Variants in ABCC4 observed in about 807,000 individuals in gnomAD.
ABCC4 encodes the protein ATP-binding cassette sub-family C member 4.
In ABCC4, 102 loss-of-function variants were observed where a neutral mutation model predicts 168.5. The ratio of observed to expected loss-of-function variants is 0.61; its 90% CI spans 0.52 to 0.71. The LOEUF (loss-of-function observed/expected upper bound fraction) is 0.71. ABCC4 is among the 30% of genes least tolerant of loss of function. The pLI is 0.00. For missense variants in ABCC4, 1,402 were observed against 1,605.8 expected (o/e 0.87, Z 2.17); for synonymous variants, 617 against 590.7 (o/e 1.04, Z -0.65).
chr13:95,173,211 G>A (rs1444479411), intron 13 of ABCC4, among the ~76,000 whole-genome samples: 1 of 152,246 alleles, frequency 6.6e-6, no homozygotes, highest in Non-Finnish European at 1.5e-5. Flanking sequence ...GCAAGGAGGT[G>A]ATGTATGAGC....
chr13:95,277,020 AAAAT>A (rs769264204), intron 1 of ABCC4, among the ~76,000 whole-genome samples: 13 of 152,238 alleles, frequency 8.5e-5, no homozygotes, highest in Non-Finnish European at 1.6e-4. Context: ...CTCAGTCTCA[AAAAT>A]AAATAAATAC....
intron 27 of ABCC4, among the ~76,000 whole-genome samples, chr13:95,049,263 G>C (rs1028248846): frequency 5.3e-5 from 8 of 152,056 alleles, no homozygotes; most frequent in African/African-American, 1.7e-4. Context: ...GAACCCAGGA[G>C]GTAGAGTTTG....
chr13:95,047,476 CTT>C (rs71111586), intron 27 of ABCC4, among the ~76,000 whole-genome samples: 3 of 83,370 alleles, frequency 3.6e-5, no homozygotes, highest in African/African-American at 1.0e-4. Context: ...ACTGCCTATT[CTT>C]TTTTTTTTTT....
chr13:95,100,935 T>C (rs1280500192), intron 20 of ABCC4, among the ~76,000 whole-genome samples: 1 of 152,138 alleles, frequency 6.6e-6, no homozygotes, highest in African/African-American at 2.4e-5. Context: ...TTCTACACAC[T>C]TTCCCTGACA....
chr13:95,091,769 A>T (rs1263636641), intron 20 of ABCC4, among the ~76,000 whole-genome samples: 1 of 152,122 alleles, frequency 6.6e-6, no homozygotes, highest in African/African-American at 2.4e-5. Context: ...AAAAAAACAC[A>T]AAGTACACAG....
At chr13:95,197,723 G>A (rs2038499344) in intron 8 of ABCC4, among the ~76,000 whole-genome samples, 1 of 152,182 alleles carries the variant, frequency 6.6e-6, no homozygotes, top group African/African-American at 2.4e-5. Context: ...GCAGCTTTGT[G>A]AACAATAAAA....
intron 19 of ABCC4, among the ~76,000 whole-genome samples, chr13:95,153,051 G>A (rs1303621234): frequency 6.6e-6 from 1 of 152,032 alleles, no homozygotes; most frequent in Non-Finnish European, 1.5e-5. Flanking sequence ...TGTTGAAATC[G>A]GCCACTGCAA....
chr13:95,110,076 A>G (rs1386472349), intron 20 of ABCC4, among the ~76,000 whole-genome samples: 1 of 152,212 alleles, frequency 6.6e-6, no homozygotes, highest in East Asian at 1.9e-4. Context: ...TTGGAGGCCG[A>G]GACGGGCAGA....
chr13:95,141,844 T>G (rs1326494547), intron 19 of ABCC4, among the ~76,000 whole-genome samples: 5 of 152,154 alleles, frequency 3.3e-5, no homozygotes, highest in African/African-American at 1.2e-4. Context: ...CAAGGGATCA[T>G]CCTGAACCAG....
At chr13:95,031,170 A>G (rs1269229794) in intron 30 of ABCC4, among the ~76,000 whole-genome samples, 1 of 152,230 alleles carries the variant, frequency 6.6e-6, no homozygotes, top group Non-Finnish European at 1.5e-5. Flanking sequence ...TTGTTCTCCT[A>G]AGAGGACCAA....
chr13:95,095,184 T>C (rs923726621), intron 20 of ABCC4, among the ~76,000 whole-genome samples: 1 of 152,204 alleles, frequency 6.6e-6, no homozygotes, highest in African/African-American at 2.4e-5. Flanking sequence ...TTGGAAAAGA[T>C]ACTTGCACAC....
intron 16 of ABCC4, 108 bp downstream of exon 16, chr13:95,164,270 C>T: frequency 1.4e-6 from 2 of 1,386,304 alleles, no homozygotes; most frequent in Admixed American, 1.9e-5. Flanking sequence ...CCAAAGACAG[C>T]ACATTTCAAT....
In ABCC4 at chr13:95,194,550, G is replaced by A. The variant is rs3818492; in HGVS notation, c.1263+286C>T. ...TCTGTCCAATCCTATAAAATCCAGC[G>A]TTGCCAATGTCCAAACTTAGTGACA... On this transcript the variant is annotated intron_variant, in intron 9 of 30. Transcript: ENST00000645237. Among the ~76,000 whole-genome samples, 261 of 152,268 alleles carry A rather than the reference G, an allele frequency of 1.7e-3. 8 individuals carry two copies. The East Asian group carries it at 0.044, about 26-fold the overall frequency.
chr13:95,170,764 A>G lies in ABCC4; in HGVS notation c.1728-136T>C, dbSNP rs150660298. On this transcript the variant is annotated intron_variant, in intron 13 of 30. Transcript: ENST00000645237. ...GAGGTTAAATACAAACTAAATACAA[A>G]TATAAGCCAATAAAGCCGGCTAGGT... 49 of 525,552 alleles carry G rather than the reference A, an allele frequency of 9.3e-5. No homozygotes were observed. In the East Asian group the frequency reaches 1.5e-3, roughly 16 times the overall value. 32.6% of individuals were successfully genotyped at this position (525,552 alleles called of 1,614,324 possible).
At chr13:95,285,451 G>T (rs542387342) in intron 1 of ABCC4, among the ~76,000 whole-genome samples, 4 of 152,018 alleles carry the variant, frequency 2.6e-5, no homozygotes, top group African/African-American at 9.7e-5. Context: ...TTTGGGGGCT[G>T]AGGCAGGAGA....
chr13:95,044,292 A>G lies in ABCC4; in HGVS notation c.3603T>C (p.Asp1201=). The G allele has an allele frequency of 1.9e-6, 3 of 1,613,212 alleles. No homozygotes were observed. The highest frequency in any genetic ancestry group is 2.5e-6 in the Non-Finnish European group (3 of 1,179,676). The stretch of plus-strand genomic sequence containing the variant: ...TTGGATCCACATTTGCCGTCGCTTC[A>G]TCAATAATCAATATCTGATTTTTCC... ...ILRKNQILII[D]EATANVDPRT... is the part of the protein sequence containing the mutation. The change falls in exon 28 of 31, where the codon GAT becomes GAC. Residue 1201 remains aspartate (D), a synonymous_variant. Coordinates refer to ENST00000645237, the MANE Select transcript of ABCC4 (RefSeq NM_005845.5).
chr13:95,030,415 T>A (rs2031823912), intron 30 of ABCC4, among the ~76,000 whole-genome samples: 1 of 152,156 alleles, frequency 6.6e-6, no homozygotes, highest in Admixed American at 6.5e-5. Context: ...TAGGTCGGCT[T>A]CATCAGGGAA....
At chr13:95,069,381 C>T (rs1229404760) in intron 25 of ABCC4, among the ~76,000 whole-genome samples, 1 of 151,898 alleles carries the variant, frequency 6.6e-6, no homozygotes, top group Admixed American at 6.6e-5. Context: ...ATAAATCATG[C>T]CATCGTGCTA....
chr13:95,201,225 T>A (rs1314058736), intron 8 of ABCC4, among the ~76,000 whole-genome samples: 3 of 152,184 alleles, frequency 2.0e-5, no homozygotes, highest in Admixed American at 6.5e-5. Context: ...CATACATCTA[T>A]CTACAGGAAC....
Sources: allele counts gnomAD v4.1 joint callset (sites outside exome capture counted in the v4.1 genomes callset), GRCh38; gene constraint gnomAD v4.1.1; transcripts MANE v1.5; gene names NCBI Gene and HGNC (gene_info 2026-07-23, HGNC 2026-07-21).